The following AMMECR1 variants were observed in gnomAD, a reference collection of about 807,000 sequenced individuals.
AMMECR1 encodes the protein AMMECR nuclear protein 1.
A neutral mutation model predicts 22.5 loss-of-function variants in AMMECR1; 3 were observed. The observed-to-expected ratio is 0.13, with a 90% CI of 0.06 to 0.35. The LOEUF (loss-of-function observed/expected upper bound fraction) is 0.35, where lower values mean the gene tolerates loss of function less well. AMMECR1 is among the 10% of genes least tolerant of loss of function. AMMECR1 has a pLI of 1.00. For missense variants in AMMECR1, 235 were observed against 278.7 expected (o/e 0.84, Z 1.12); for synonymous variants, 130 against 116.7 (o/e 1.11, Z -0.74).
intron 1 of AMMECR1, among the ~76,000 whole-genome samples, chrX:110,272,977 G>A (rs1242111884): frequency 8.9e-6 from 1 of 112,078 alleles, no homozygotes; most frequent in Non-Finnish European, 1.9e-5. Flanking sequence ...GAACACATGA[G>A]TACAGGTGTC....
chrX:110,233,707 A>G (rs1223064721), intron 2 of AMMECR1, among the ~76,000 whole-genome samples: 1 of 112,558 alleles, frequency 8.9e-6, no homozygotes, highest in East Asian at 2.8e-4. Flanking sequence ...AATCCATTAC[A>G]TAAACAGAAC....
At chrX:110,348,953 A>G (rs1397705491) in intron 2 of AMMECR1, among the ~76,000 whole-genome samples, 1 of 112,278 alleles carries the variant, frequency 8.9e-6, no homozygotes, top group Non-Finnish European at 1.9e-5. Flanking sequence ...AAAAAACTAA[A>G]AGCCCCTTAT....
rs10664998 is a variant in AMMECR1 at position 110,339,401 on chromosome X, TAAA to T, written c.-147-21555_-147-21553del. Among the ~76,000 whole-genome samples the T allele has an allele frequency of 4.6e-3, 224 of 48,954 alleles. 1 individual carries two copies. Among genetic ancestry groups the T allele is most frequent in the African/African-American group, 0.013 (201 of 15,888 alleles). 42.5% of individuals were successfully genotyped at this position (48,954 alleles called of 115,157 possible). A position where few individuals can be genotyped will look rare whatever the true frequency, so the allele number is the denominator to read the frequency against. ...CAGAAAAGTGGAAAATGGTTTGTTG[TAAA>T]AAAAAAAAAAAAAAAAAAAAACAAA... is the stretch of plus-strand genomic sequence containing the variant. On this transcript the variant is annotated intron_variant, in intron 2 of 7. Coordinates refer to the AMMECR1 transcript ENST00000372057.
chrX:110,323,434 A>G (rs1170110094), intron 2 of AMMECR1, among the ~76,000 whole-genome samples: 3 of 111,428 alleles, frequency 2.7e-5, no homozygotes, highest in Admixed American at 1.9e-4. Context: ...GCCCTAGACA[A>G]CCTCTAATCT....
intron 2 of AMMECR1, among the ~76,000 whole-genome samples, chrX:110,366,571 A>G (rs932509567): frequency 1.8e-5 from 2 of 111,624 alleles, no homozygotes; most frequent in Middle Eastern, 4.2e-3. Flanking sequence ...ACTGTCCCTC[A>G]GCCCCCTAGT....
chrX:110,427,047 C>T (rs1201182135), intron 1 of AMMECR1, among the ~76,000 whole-genome samples: 1 of 112,361 alleles, frequency 8.9e-6, no homozygotes, highest in Non-Finnish European at 1.9e-5. Context: ...TTCAGCCAGT[C>T]ACTAAGCCCT....
chrX:110,336,840 A>G (rs951860588), intron 2 of AMMECR1, among the ~76,000 whole-genome samples: 19 of 111,858 alleles, frequency 1.7e-4, no homozygotes, highest in African/African-American at 3.3e-5. Context: ...GGCTTATGGG[A>G]TGAACCTGAG....
chrX:110,333,925 T>G (rs2068131274), intron 2 of AMMECR1, among the ~76,000 whole-genome samples: 1 of 110,559 alleles, frequency 9.0e-6, no homozygotes, highest in Admixed American at 9.7e-5. Flanking sequence ...TGTCTACCTG[T>G]GTAACAAACC....
intron 1 of AMMECR1, among the ~76,000 whole-genome samples, chrX:110,314,203 G>A (rs1303195719): frequency 1.8e-5 from 2 of 111,861 alleles, no homozygotes; most frequent in African/African-American, 6.5e-5. Context: ...GGTCTGAGGC[G>A]GGGCCTGAGA....
intron 2 of AMMECR1, among the ~76,000 whole-genome samples, chrX:110,362,286 GT>G (rs2068269288): frequency 1.8e-5 from 2 of 111,454 alleles, no homozygotes; most frequent in South Asian, 7.5e-4. Flanking sequence ...TAAAGTAAAA[GT>G]TGCTTTCATT....
intron 2 of AMMECR1, among the ~76,000 whole-genome samples, chrX:110,398,802 A>T (rs1230966470): frequency 3.6e-5 from 4 of 112,582 alleles, no homozygotes; most frequent in Non-Finnish European, 7.5e-5. Flanking sequence ...ATAGTATGTT[A>T]ACACTAAAAG....
intron 2 of AMMECR1, among the ~76,000 whole-genome samples, chrX:110,384,172 A>G (rs991380395): frequency 2.2e-4 from 24 of 111,389 alleles, no homozygotes; most frequent in Non-Finnish European, 4.0e-4. Flanking sequence ...CTTGTCTTCC[A>G]AGCTGGTTTA....
chrX:110,301,244 C>T (rs961411469), intron 1 of AMMECR1, among the ~76,000 whole-genome samples: 4 of 112,329 alleles, frequency 3.6e-5, no homozygotes, highest in African/African-American at 9.7e-5. Flanking sequence ...AGCTAATGAT[C>T]GACATATTTT....
chrX:110,218,558 A>G (rs1483558492), intron 2 of AMMECR1, among the ~76,000 whole-genome samples: 1 of 66,041 alleles, frequency 1.5e-5, no homozygotes, highest in African/African-American at 6.2e-5. Context: ...TAGTCCTGGC[A>G]TAAAATGTAA....
At chrX:110,238,078 G>C (rs1022992363) in intron 2 of AMMECR1, among the ~76,000 whole-genome samples, 2 of 111,959 alleles carry the variant, frequency 1.8e-5, no homozygotes, top group African/African-American at 6.5e-5. Flanking sequence ...CAAATCTTTT[G>C]TGTAGTATGT....
At chrX:110,259,576 G>C (rs1382503053) in intron 2 of AMMECR1, among the ~76,000 whole-genome samples, 2 of 109,285 alleles carry the variant, frequency 1.8e-5, no homozygotes, top group African/African-American at 6.7e-5. Flanking sequence ...AAAATTTTAA[G>C]GAAACTTTCT....
chrX:110,409,140 C>A (rs1472143959), intron 2 of AMMECR1, among the ~76,000 whole-genome samples: 3 of 110,648 alleles, frequency 2.7e-5, no homozygotes, highest in Middle Eastern at 4.2e-3. Flanking sequence ...TGGAGTCAGG[C>A]ATGTAGGTCA....
chrX:110,257,758 C>A lies in AMMECR1; in HGVS notation c.584+6731G>T, dbSNP rs190973010. 6.3e-5 allele frequency among the ~76,000 whole-genome samples: 7 copies of A among 111,561 alleles called. No individual in the cohort carries two copies. In the East Asian group the frequency reaches 2.0e-3, roughly 31 times the overall value. ...GAGTAGTAATCATCCAGTATCACGT[C>A]CTCTGCTTCTTGAGAAAAACTGCTT... On this transcript the variant is annotated intron_variant, in intron 2 of 5. Transcript: ENST00000262844.
At chrX:110,370,224 T>G (rs1341168245) in intron 2 of AMMECR1, among the ~76,000 whole-genome samples, 1 of 111,774 alleles carries the variant, frequency 8.9e-6, no homozygotes, top group East Asian at 2.8e-4. Context: ...TATTATTTTT[T>G]AAAGACAGAG....
Sources: gnomAD v4.1 joint callset for allele counts (sites outside exome capture counted in the v4.1 genomes callset) on GRCh38, gnomAD v4.1.1 for gene constraint, MANE v1.5 for transcripts, NCBI Gene and HGNC (gene_info 2026-07-23, HGNC 2026-07-21) for gene names.